The following MAP3K14 variants were observed in gnomAD, a reference collection of about 807,000 sequenced individuals.
MAP3K14 encodes the protein mitogen-activated protein kinase kinase kinase 14.
In MAP3K14, 16 loss-of-function variants were observed where a neutral mutation model predicts 99.2. The ratio of observed to expected loss-of-function variants is 0.16; its 90% confidence interval spans 0.11 to 0.24. The LOEUF (loss-of-function observed/expected upper bound fraction) is 0.24. MAP3K14 is among the 10% of genes least tolerant of loss of function. The pLI is 1.00. For synonymous variants in MAP3K14, 462 were observed against 492.4 expected (o/e 0.94, Z 0.82); for missense variants, 784 against 1,208.7 (o/e 0.65, Z 5.21).
intron 6 of MAP3K14, among the ~76,000 whole-genome samples, chr17:45,275,176 A>C (rs1467550929): frequency 2.0e-5 from 3 of 150,374 alleles, no homozygotes; most frequent in Non-Finnish European, 4.4e-5. Context: ...AAAACACTAC[A>C]TTCCAGCCGG....
chr17:45,284,250 T>C (rs2044245926), intron 6 of MAP3K14, among the ~76,000 whole-genome samples: 1 of 152,214 alleles, frequency 6.6e-6, no homozygotes, highest in African/African-American at 2.4e-5. Flanking sequence ...GATTCAGGGC[T>C]CTTGCCACCC....
Position 45,309,293 on chromosome 17 carries a change from G to A in MAP3K14, c.-21+7667C>T, listed in dbSNP as rs989194974. ...TCCCACCCAGGCACCTGCAGAATCC[G>A]AGACGCTCTACGCCTGACAGTGCTG... On this transcript the variant is annotated intron_variant, in intron 1 of 15. Coordinates refer to ENST00000344686, the MANE Select transcript of MAP3K14 (RefSeq NM_003954.5). Among the ~76,000 whole-genome samples, 7 of 152,234 alleles carry A rather than the reference G, an allele frequency of 4.6e-5. 1 individual carries two copies. The highest frequency in any genetic ancestry group is 1.0e-4 in the Non-Finnish European group (7 of 68,044).
At chr17:45,287,729 G>C (rs11574818) in intron 3 of MAP3K14, among the ~76,000 whole-genome samples, 105 of 152,308 alleles carry the variant, frequency 6.9e-4, no homozygotes, top group Middle Eastern at 3.4e-3. Flanking sequence ...GACACGGTTC[G>C]CTCACTGCTC....
Position 45,267,519 on chromosome 17 carries a change from C to T in MAP3K14, c.2213G>A (p.Gly738Glu), listed in dbSNP as rs2143771517. Residue 738 changes from glycine to glutamate, a missense_variant, in exon 12 of 16, where the codon GGG becomes GAG. By Grantham distance (98) the Gly-to-Glu change is moderately conservative (BLOSUM62 -2). This residue lies in a region of MAP3K14 where 128 missense variants were observed against 143.3 expected (regional missense o/e 0.89). Coordinates refer to ENST00000344686, the MANE Select transcript of MAP3K14 (RefSeq NM_003954.5). The surrounding 1 kb of genome is among the most constrained non-coding windows in gnomAD (Gnocchi z 5.1). ...GGACAGAGGTAAGGGTTCCCACATC[C>T]CAGACTCCTCCTTGCTCAAAGTCAA... ...PPLTLSKEES[G>E]MWEPLPLSSL... The T allele has an allele frequency of 6.2e-7, 1 of 1,613,242 alleles. No homozygotes were observed. Among genetic ancestry groups the T allele is most frequent in the Non-Finnish European group, 8.5e-7 (1 of 1,179,542 alleles).
intron 1 of MAP3K14, among the ~76,000 whole-genome samples, chr17:45,303,525 C>A (rs751814056): frequency 2.0e-5 from 3 of 152,182 alleles, no homozygotes; most frequent in Non-Finnish European, 4.4e-5. Context: ...TGCACCACTG[C>A]ACCCCAGCTT....
intron 1 of MAP3K14, among the ~76,000 whole-genome samples, chr17:45,303,451 C>A (rs1211643837): frequency 6.6e-6 from 1 of 152,134 alleles, no homozygotes; most frequent in African/African-American, 2.4e-5. Flanking sequence ...ATCCCAGCTA[C>A]TTTGGAGGCT....
intron 6 of MAP3K14, among the ~76,000 whole-genome samples, chr17:45,281,144 TGG>T (rs2044219195): frequency 1.3e-5 from 2 of 152,110 alleles, no homozygotes; most frequent in Non-Finnish European, 2.9e-5. Context: ...TTGTCCAGGC[TGG>T]AGTGCAGTGG....
chr17:45,285,413 G>A (rs2044255725), intron 5 of MAP3K14, among the ~76,000 whole-genome samples: 2 of 151,966 alleles, frequency 1.3e-5, no homozygotes, highest in Admixed American at 1.3e-4. Flanking sequence ...ATCACTTGAG[G>A]TCAGGAGTTT....
In MAP3K14 at chr17:45,286,521, G is replaced by T; in HGVS notation, c.1062C>A (p.Thr354=). 6.2e-7 allele frequency: 1 copy of T among 1,608,666 alleles called. No individual in the cohort carries two copies. Among genetic ancestry groups the T allele is most frequent in the East Asian group, 2.2e-5 (1 of 44,746 alleles). Residue 354 remains threonine (T), a synonymous_variant, in exon 5 of 16, where the codon ACC becomes ACA. Transcript: ENST00000344686. This position sits in a 1 kb window ranked among gnomAD's most constrained non-coding sequence, Gnocchi z 4.1. ...SVSSGQAHSL[T]SLAKTWAARG... ...TTGCTGCCCAGGTCTTGGCCAGGCT[G>T]GTCAGGCTGTGGGCCTGGCCTGAGC...
chr17:45,277,236 T>G (rs1395555876), intron 6 of MAP3K14, among the ~76,000 whole-genome samples: 2 of 152,214 alleles, frequency 1.3e-5, no homozygotes, highest in Non-Finnish European at 2.9e-5. Context: ...ATGTGCCATG[T>G]TGGTGTGCTG....
At chr17:45,264,898 A>T (rs2044061883) in intron 15 of MAP3K14, 98 bp from the exon 16 acceptor site, 2 of 1,282,050 alleles carry the variant, frequency 1.6e-6, no homozygotes, top group Admixed American at 2.2e-5. Context: ...CGGCAGCCCT[A>T]AGGGCACTGC....
At chr17:45,309,791 T>C (rs532883318) in intron 1 of MAP3K14, among the ~76,000 whole-genome samples, 42 of 152,276 alleles carry the variant, frequency 2.8e-4, no homozygotes, top group Admixed American at 2.6e-3. Flanking sequence ...TTACTTCTAA[T>C]TGCTTGAGAA....
chr17:45,274,420 T>C lies in MAP3K14; in HGVS notation c.1420+44A>G, dbSNP rs565858097. The C allele has an allele frequency of 2.1e-5, 34 of 1,610,170 alleles. No individual in the cohort carries two copies. In the East Asian group the frequency reaches 7.1e-4, roughly 34 times the overall value. On this transcript the variant is annotated intron_variant, in intron 7 of 15. Coordinates refer to ENST00000344686, the MANE Select transcript of MAP3K14 (RefSeq NM_003954.5). The stretch of plus-strand genomic sequence containing the variant: ...ACTTGGGCAAGACTCAGGGGGGAAC[T>C]CTTGGCCCTGAATTTGGAGAAAGAG...
At position 45,297,181 on chromosome 17, in the gene MAP3K14, T is replaced by G. The variant is rs574126359; in HGVS notation, c.-20-6416A>C. ...CTCAAGCCAGGACACTCTTGGCCCA[T>G]TCTCTTAGGACCCAAGGATCTCTAG... On this transcript the variant is annotated intron_variant, in intron 1 of 15. Transcript: ENST00000344686. Among the ~76,000 whole-genome samples, 227 of 152,352 alleles carry G rather than the reference T, an allele frequency of 1.5e-3. 1 individual carries two copies. The highest frequency in any genetic ancestry group is 5.3e-3 in the African/African-American group (222 of 41,580).
chr17:45,286,003 AC>A lies in MAP3K14; in HGVS notation c.1152+427del, dbSNP rs1204684936. Among the ~76,000 whole-genome samples, 1 of 151,932 alleles carries A rather than the reference AC, an allele frequency of 6.6e-6. No homozygotes were observed. Among genetic ancestry groups the A allele is most frequent in the Non-Finnish European group, 1.5e-5 (1 of 67,992 alleles). On this transcript the variant is annotated intron_variant, in intron 5 of 15. Coordinates refer to ENST00000344686, the MANE Select transcript of MAP3K14 (RefSeq NM_003954.5). The surrounding 1 kb of genome is among the most constrained non-coding windows in gnomAD (Gnocchi z 4.1). ...AAAAAAAGTGGATGGATGGAATAAAACCCGGAAATCAAAGTTTGATAAAATC... is the reference window on the plus strand; with the variant it reads ...AAAAAAAGTGGATGGATGGAATAAAACCGGAAATCAAAGTTTGATAAAATC...
intron 15 of MAP3K14, 23 bp downstream of exon 15, chr17:45,265,140 C>CA (rs2044065928): frequency 6.3e-7 from 1 of 1,591,400 alleles, no homozygotes. Flanking sequence ...CTCTGCCCGT[C>CA]AGAGTGTACC....
intron 1 of MAP3K14, among the ~76,000 whole-genome samples, chr17:45,296,546 A>G (rs183270015): frequency 2.2e-4 from 33 of 151,446 alleles, no homozygotes; most frequent in African/African-American, 4.6e-4. Flanking sequence ...AAAGGAGGGG[A>G]AAAAAAAAGA....
chr17:45,264,526 C>T lies in MAP3K14; in HGVS notation c.*110G>A, dbSNP rs535565822. 2.3e-4 allele frequency: 310 copies of T among 1,362,766 alleles called. 2 individuals are homozygous for T. Among genetic ancestry groups the T allele is most frequent in the East Asian group, 1.6e-3 (60 of 38,442 alleles). 84.4% of individuals were successfully genotyped at this position (1,362,766 alleles called of 1,614,324 possible). ...CGAGGCCCTGGTCCCACTGCTGAGC[C>T]GGGGGCTGGCAGATCCCTGGGAACG... is the stretch of plus-strand genomic sequence containing the variant. On this transcript the variant is annotated 3_prime_UTR_variant, in exon 16 of 16. Coordinates refer to ENST00000344686, the MANE Select transcript of MAP3K14 (RefSeq NM_003954.5).
At chr17:45,273,845 C>T (rs2044158850) in intron 8 of MAP3K14, 4 of 646,884 alleles carry the variant, frequency 6.2e-6, no homozygotes, top group South Asian at 5.2e-5. Context: ...CTCGGGAACG[C>T]TGCCACTCTG....
Sources: allele counts gnomAD v4.1 joint callset (sites outside exome capture counted in the v4.1 genomes callset), GRCh38; gene constraint gnomAD v4.1.1; regional missense constraint gnomAD v4.1.1; non-coding constraint Gnocchi (gnomAD v3.1); transcripts MANE v1.5; gene names NCBI Gene and HGNC (gene_info 2026-07-23, HGNC 2026-07-21).